The following WDR44 variants were observed in gnomAD, a reference collection of about 807,000 sequenced individuals.
The protein encoded by WDR44 is WD repeat-containing protein 44.
Under a neutral mutation model 65.7 loss-of-function variants are expected in WDR44, and 9 were observed. The observed-to-expected ratio is 0.14, with a 90% confidence interval of 0.08 to 0.24. The LOEUF (loss-of-function observed/expected upper bound fraction) is 0.24, where lower values mean the gene tolerates loss of function less well. Among genes scored for constraint, WDR44 ranks in the 10% least tolerant of loss-of-function variants. WDR44 has a pLI of 1.00. For missense variants in WDR44, 425 were observed against 670.9 expected (o/e 0.63, Z 4.05); for synonymous variants, 220 against 235.2 (o/e 0.94, Z 0.59).
chrX:118,374,117 T>C (rs1602883903), intron 1 of WDR44, among the ~76,000 whole-genome samples: 1 of 105,261 alleles, frequency 9.5e-6, no homozygotes, highest in African/African-American at 3.5e-5. Flanking sequence ...GGCCCTGGTG[T>C]GTGTTGTTCC....
chrX:118,381,885 T>C (rs1331055033), intron 2 of WDR44, among the ~76,000 whole-genome samples: 1 of 107,559 alleles, frequency 9.3e-6, no homozygotes, highest in Admixed American at 1.0e-4. Flanking sequence ...TTTTTGTTTT[T>C]TGAAGGTCTC....
At chrX:118,426,861 G>A (rs2057161570) in intron 12 of WDR44, among the ~76,000 whole-genome samples, 1 of 111,373 alleles carries the variant, frequency 9.0e-6, no homozygotes, top group Non-Finnish European at 1.9e-5. Flanking sequence ...TATTCTGAAA[G>A]ATAAGTAAGA....
chrX:118,421,148 A>G (rs1446214792), intron 12 of WDR44, among the ~76,000 whole-genome samples: 1 of 111,875 alleles, frequency 8.9e-6, no homozygotes, highest in Non-Finnish European at 1.9e-5. Context: ...GATAATTTTA[A>G]CTGCTTTGCT....
At chrX:118,422,308 A>T (rs1315005939) in intron 12 of WDR44, among the ~76,000 whole-genome samples, 1 of 110,988 alleles carries the variant, frequency 9.0e-6, no homozygotes, top group African/African-American at 3.3e-5. Flanking sequence ...AGGCATGAGG[A>T]TCACCTGAGC....
intron 1 of WDR44, among the ~76,000 whole-genome samples, chrX:118,371,890 T>C (rs2056616705): frequency 9.0e-6 from 1 of 111,223 alleles, no homozygotes. Flanking sequence ...TTGAACTTTT[T>C]CTGCAAAAAA....
chrX:118,444,552 C>G, intron 19 of WDR44, 58 bp downstream of exon 19: 6 of 1,135,005 alleles, frequency 5.3e-6, no homozygotes, highest in Non-Finnish European at 7.1e-6. Flanking sequence ...CCTCATTTAT[C>G]TCATTTGAGT....
chrX:118,408,921 C>T (rs992389665), intron 10 of WDR44, among the ~76,000 whole-genome samples: 7 of 111,708 alleles, frequency 6.3e-5, no homozygotes, highest in African/African-American at 2.0e-4. Context: ...AATATGTGGA[C>T]AGGGTTTGAG....
chrX:118,424,281 A>ATGTG (rs1556124009), intron 12 of WDR44, among the ~76,000 whole-genome samples: 27 of 92,738 alleles, frequency 2.9e-4, no homozygotes, highest in African/African-American at 1.1e-3. Context: ...ATATATATAT[A>ATGTG]TGTGTGTGTG....
At chrX:118,419,498 C>A (rs908071529) in intron 12 of WDR44, among the ~76,000 whole-genome samples, 6 of 112,379 alleles carry the variant, frequency 5.3e-5, no homozygotes, top group Non-Finnish European at 1.1e-4. Context: ...CCCTTTCCCA[C>A]TTCTGCAGTT....
At chrX:118,382,870 A>G (rs1257073645) in intron 2 of WDR44, among the ~76,000 whole-genome samples, 3 of 111,952 alleles carry the variant, frequency 2.7e-5, no homozygotes, top group African/African-American at 9.7e-5. Flanking sequence ...GCTGGGATTT[A>G]GTAAGTACTG....
chrX:118,439,219 TG>T (rs1033273952), intron 14 of WDR44, among the ~76,000 whole-genome samples: 4 of 109,952 alleles, frequency 3.6e-5, no homozygotes, highest in Non-Finnish European at 7.6e-5. Flanking sequence ...TGCCTTTTTT[TG>T]GGGGGGAAAT....
intron 5 of WDR44, 58 bp from the exon 6 acceptor site, chrX:118,395,191 T>C (rs2056855264): frequency 9.6e-7 from 1 of 1,039,790 alleles, no homozygotes; most frequent in South Asian, 2.1e-5. Context: ...GTGGTAATAA[T>C]TGAAAATTTA....
intron 6 of WDR44, 21 bp from the exon 7 acceptor site, chrX:118,396,947 TTG>T: frequency 1.7e-6 from 2 of 1,152,306 alleles, no homozygotes; most frequent in Non-Finnish European, 2.3e-6. Context: ...CTTGGTGTGA[TTG>T]TTTTTTTTTT....
At chrX:118,393,359 G>C (rs1204837637) in intron 4 of WDR44, 88 bp downstream of exon 4, 2 of 1,003,624 alleles carry the variant, frequency 2.0e-6, no homozygotes, top group Non-Finnish European at 2.7e-6. Flanking sequence ...AAGGCGGGCG[G>C]ATCGCTTGAG....
intron 1 of WDR44, among the ~76,000 whole-genome samples, chrX:118,368,541 C>T (rs1021358721): frequency 2.1e-5 from 2 of 97,557 alleles, no homozygotes; most frequent in Admixed American, 2.4e-4. Flanking sequence ...TTGGCTGATA[C>T]ATGGATGTTG....
rs1048801571 is a variant in WDR44 at position 118,346,170 on chromosome X, C to A, written c.-334C>A. 3.3e-6 allele frequency: 1 copy of A among 300,821 alleles called. No individual in the cohort carries two copies. The highest frequency in any genetic ancestry group is 5.8e-6 in the Non-Finnish European group (1 of 172,825). The allele number at this position is 300,821 out of a possible 1,213,427, so 24.8% of individuals were successfully genotyped here. On this transcript the variant is annotated 5_prime_UTR_variant, in exon 1 of 20. Coordinates refer to ENST00000254029, the MANE Select transcript of WDR44 (RefSeq NM_019045.5). ...TTGCTGCTGCGGGAGAAACTGGAGC[C>A]GCTGTAGCCGGCGCGCCCTTCTTCC... is the stretch of plus-strand genomic sequence containing the variant.
At chrX:118,426,696 A>G (rs1349031453) in intron 12 of WDR44, among the ~76,000 whole-genome samples, 1 of 109,063 alleles carries the variant, frequency 9.2e-6, no homozygotes, top group African/African-American at 3.3e-5. Context: ...ACAGAACAAG[A>G]CCCTATCTCA....
chrX:118,448,628 C>G (rs1477180778), intron 19 of WDR44, among the ~76,000 whole-genome samples: 1 of 111,313 alleles, frequency 9.0e-6, no homozygotes, highest in East Asian at 2.8e-4. Context: ...AGGAATAGGT[C>G]CAAGCATCCA....
chrX:118,399,680 T>C (rs562506505), intron 8 of WDR44, among the ~76,000 whole-genome samples: 1 of 112,284 alleles, frequency 8.9e-6, no homozygotes, highest in African/African-American at 3.2e-5. Flanking sequence ...TTACATCATT[T>C]TTTTTAAAAC....
Sources: gnomAD v4.1 joint callset for allele counts (sites outside exome capture counted in the v4.1 genomes callset) on GRCh38, gnomAD v4.1.1 for gene constraint, MANE v1.5 for transcripts, NCBI Gene and HGNC (gene_info 2026-07-23, HGNC 2026-07-21) for gene names.